Variants in WDPCP observed in about 807,000 individuals in gnomAD.
The protein encoded by WDPCP is WD repeat-containing and planar cell polarity effector protein fritz homolog.
Under a neutral mutation model 93.1 loss-of-function variants are expected in WDPCP, and 71 were observed. The ratio of observed to expected loss-of-function variants is 0.76; its 90% CI spans 0.63 to 0.93. The LOEUF is 0.93. Among genes scored for constraint, WDPCP ranks in the 40% least tolerant of loss-of-function variants. The pLI is 0.00. For missense variants in WDPCP, 844 were observed against 887.4 expected (o/e 0.95, Z 0.62); for synonymous variants, 315 against 315.0 (o/e 1.00, Z 0.00).
chr2:63,837,369 C>G, the WDPCP span, among the ~76,000 whole-genome samples: 1 of 151,952 alleles, frequency 6.6e-6, no homozygotes, highest in East Asian at 1.9e-4. Flanking sequence ...CCCCTTTTTC[C>G]TCTCTCATGT....
At chr2:63,586,312 TACTA>T (rs1394654815) in intron 1 of WDPCP, among the ~76,000 whole-genome samples, 3 of 152,314 alleles carry the variant, frequency 2.0e-5, no homozygotes, top group African/African-American at 7.2e-5. Context: ...AATATTACCT[TACTA>T]AATAACGCGA....
At chr2:63,386,180 G>C (rs1692715371) in intron 10 of WDPCP, among the ~76,000 whole-genome samples, 2 of 151,850 alleles carry the variant, frequency 1.3e-5, no homozygotes, top group South Asian at 4.2e-4. Context: ...AAAAGCAAAA[G>C]CCATAAAACA....
intron 13 of WDPCP, among the ~76,000 whole-genome samples, chr2:63,300,969 G>C (rs1350074803): frequency 1.3e-5 from 2 of 151,920 alleles, no homozygotes; most frequent in Admixed American, 1.3e-4. Flanking sequence ...TCTGTCCTTG[G>C]TCTGTAGAGC....
At chr2:63,763,796 T>C (rs183368360) in intron 2 of WDPCP, among the ~76,000 whole-genome samples, 2 of 152,242 alleles carry the variant, frequency 1.3e-5, no homozygotes, top group South Asian at 2.1e-4. Context: ...CTGTTAGAAG[T>C]TGTTTTTAAA....
chr2:63,836,607 G>C, the WDPCP span, among the ~76,000 whole-genome samples: 2 of 152,096 alleles, frequency 1.3e-5, no homozygotes, highest in East Asian at 3.9e-4. Flanking sequence ...GAGAATATAG[G>C]GAGTTTATTT....
intron 17 of WDPCP, among the ~76,000 whole-genome samples, chr2:63,141,144 A>G (rs1203387220): frequency 6.6e-6 from 1 of 151,876 alleles, no homozygotes; most frequent in African/African-American, 2.4e-5. Context: ...CAATGGTGCA[A>G]TCTTGGCTCC....
chr2:63,434,386 C>A (rs1228036169), intron 8 of WDPCP, among the ~76,000 whole-genome samples: 1 of 152,178 alleles, frequency 6.6e-6, no homozygotes, highest in East Asian at 1.9e-4. Flanking sequence ...GCAAATATCT[C>A]TTTAAAGAAT....
chr2:63,472,610 A>G (rs1435973828), intron 6 of WDPCP, among the ~76,000 whole-genome samples: 2 of 151,690 alleles, frequency 1.3e-5, no homozygotes, highest in Non-Finnish European at 2.9e-5. Context: ...TTTTTTTGAT[A>G]TGGAGTCTCA....
Position 63,588,277 on chromosome 2 carries a change from G to C in WDPCP, c.-6C>G, listed in dbSNP as rs762128951. The C allele has an allele frequency of 1.3e-6, 2 of 1,571,798 alleles. No individual in the cohort carries two copies. Among genetic ancestry groups the C allele is most frequent in the Admixed American group, 3.6e-5 (2 of 56,288 alleles). On this transcript the variant is annotated 5_prime_UTR_variant, in exon 1 of 18. Coordinates refer to ENST00000272321, the MANE Select transcript of WDPCP (RefSeq NM_015910.7). ...CAGCAAAACTCTCGCCTCATCACCA[G>C]ACACTACCCCGGGCAGAAGGTTCCT... is the stretch of plus-strand genomic sequence containing the variant.
At chr2:63,167,052 G>C (rs1574779407) in intron 15 of WDPCP, among the ~76,000 whole-genome samples, 1 of 152,122 alleles carries the variant, frequency 6.6e-6, no homozygotes, top group East Asian at 1.9e-4. Flanking sequence ...TGTGAAGTTT[G>C]TCATTCTGTG....
At chr2:63,589,358 G>GT, upstream of WDPCP, 2 of 1,550,614 alleles carry the variant, frequency 1.3e-6, no homozygotes, top group South Asian at 2.4e-5. Flanking sequence ...TCCAAAGGAC[G>GT]TTACGGTGTT....
chr2:63,654,007 C>T (rs1188080250), intron 2 of WDPCP, among the ~76,000 whole-genome samples: 1 of 150,624 alleles, frequency 6.6e-6, no homozygotes, highest in Non-Finnish European at 1.5e-5. Context: ...CCAGAAATGA[C>T]AGATGATGAA....
intron 1 of WDPCP, among the ~76,000 whole-genome samples, chr2:63,573,583 C>T (rs769877231): frequency 3.3e-5 from 5 of 152,032 alleles, no homozygotes; most frequent in Non-Finnish European, 7.4e-5. Flanking sequence ...GGATGTATGC[C>T]GCCTCAGGAC....
chr2:63,644,093 T>G, intron 3 of WDPCP: 1 of 348,206 alleles, frequency 2.9e-6, no homozygotes, highest in Admixed American at 3.8e-5. Context: ...TTTAATCTGG[T>G]TTGTTAGTAT....
intron 13 of WDPCP, among the ~76,000 whole-genome samples, chr2:63,311,949 A>G (rs1265030362): frequency 1.3e-5 from 2 of 152,136 alleles, no homozygotes; most frequent in Non-Finnish European, 2.9e-5. Flanking sequence ...GGGAAAATCT[A>G]CCATTATTGG....
intron 13 of WDPCP, among the ~76,000 whole-genome samples, chr2:63,270,416 T>G (rs985323238): frequency 3.9e-5 from 6 of 152,144 alleles, no homozygotes; most frequent in Middle Eastern, 3.2e-3. Context: ...TACTGGACTA[T>G]TTAATTTTTT....
chr2:63,496,595 T>C (rs1450165718), intron 1 of WDPCP, among the ~76,000 whole-genome samples: 4 of 152,194 alleles, frequency 2.6e-5, no homozygotes, highest in African/African-American at 9.6e-5. Context: ...GTCTATGACC[T>C]GGACTTGTCT....
chr2:63,218,969 C>T (rs1677585684), intron 14 of WDPCP, among the ~76,000 whole-genome samples: 1 of 152,138 alleles, frequency 6.6e-6, no homozygotes, highest in Admixed American at 6.5e-5. Context: ...TGACACAAAA[C>T]AATAGAATGC....
intron 1 of WDPCP, among the ~76,000 whole-genome samples, chr2:63,575,352 GTATATACAGTATATACAGTATATACAGTA>G (rs1361170325): frequency 9.5e-6 from 1 of 105,136 alleles, no homozygotes; most frequent in Non-Finnish European, 2.0e-5. Context: ...ACTGTATATG[GTATATACAGTATATACAGTATATACAGTA>G]TATACACGGT....
Sources: gnomAD v4.1 joint callset for allele counts (sites outside exome capture counted in the v4.1 genomes callset) on GRCh38, gnomAD v4.1.1 for gene constraint, MANE v1.5 for transcripts, NCBI Gene and HGNC (gene_info 2026-07-23, HGNC 2026-07-21) for gene names.